The following DGKI variants were observed in gnomAD, a reference collection of about 807,000 sequenced individuals.
The protein encoded by DGKI is diacylglycerol kinase iota, also known as DAG kinase iota.
A neutral mutation model predicts 147.5 loss-of-function variants in DGKI; 55 were observed. The observed-to-expected ratio is 0.37, with a 90% CI of 0.30 to 0.47. The LOEUF (loss-of-function observed/expected upper bound fraction) is 0.47, where lower values mean the gene tolerates loss of function less well. Among genes scored for constraint, DGKI ranks in the 20% least tolerant of loss-of-function variants. The pLI is 1.00. For synonymous variants in DGKI, 469 were observed against 477.1 expected, an observed-to-expected ratio of 0.98 and a Z score of 0.22; for missense variants, 1,007 against 1,323.8, an observed-to-expected ratio of 0.76 and a Z score of 3.71.
intron 19 of DGKI, among the ~76,000 whole-genome samples, chr7:137,554,915 T>A (rs1033018843): frequency 1.1e-5 from 1 of 90,332 alleles, no homozygotes; most frequent in East Asian, 2.8e-4. Context: ...AACTATTTTC[T>A]TTTTTTTTTT....
At chr7:137,693,887 A>C (rs2116473198) in intron 1 of DGKI, among the ~76,000 whole-genome samples, 1 of 152,384 alleles carries the variant, frequency 6.6e-6, no homozygotes, top group African/African-American at 2.4e-5. Flanking sequence ...GAAGCCTAAG[A>C]AACATCAAAA....
At position 137,463,606 on chromosome 7, in the gene DGKI, G is replaced by A; in HGVS notation, c.2618C>T (p.Ser873Leu). Residue 873 changes from serine (S) to leucine (L), a missense_variant, in exon 27 of 33, where the codon TCA becomes TTA. Coordinates refer to ENST00000614521, the MANE Select transcript of DGKI (RefSeq NM_001321708.2). ...CCGCAGGGCAGGATTCCACCAGTCTGAGATCCTGAGAGAAAGAAGGGCACC... is the reference window on the plus strand; with the variant it reads ...CCGCAGGGCAGGATTCCACCAGTCTAAGATCCTGAGAGAAAGAAGGGCACC... Reference protein sequence around the residue: ...DLVVEQASGISDWWNPALRKR... With the variant: ...DLVVEQASGILDWWNPALRKR... 1 of 1,614,022 alleles carries A rather than the reference G, an allele frequency of 6.2e-7. No homozygotes were observed. Among genetic ancestry groups the A allele is most frequent in the Non-Finnish European group, 8.5e-7 (1 of 1,179,958 alleles).
At chr7:137,789,019 G>A (rs1315574891) in intron 1 of DGKI, among the ~76,000 whole-genome samples, 1 of 152,114 alleles carries the variant, frequency 6.6e-6, no homozygotes, top group East Asian at 1.9e-4. Flanking sequence ...TGAATTAATG[G>A]CTTCAAAGAA....
intron 28 of DGKI, among the ~76,000 whole-genome samples, chr7:137,423,984 T>G (rs1002782451): frequency 6.6e-6 from 1 of 152,208 alleles, no homozygotes; most frequent in Non-Finnish European, 1.5e-5. Context: ...TCATCTACTT[T>G]AGGTATTTCT....
At chr7:137,718,274 C>T (rs530846566) in intron 1 of DGKI, among the ~76,000 whole-genome samples, 2 of 152,236 alleles carry the variant, frequency 1.3e-5, no homozygotes, top group East Asian at 3.9e-4. Context: ...ACCAGCTTTA[C>T]GGATGAGGAG....
intron 1 of DGKI, among the ~76,000 whole-genome samples, chr7:137,775,676 G>A (rs1014541454): frequency 1.3e-5 from 2 of 152,164 alleles, no homozygotes; most frequent in African/African-American, 2.4e-5. Context: ...CACCGAAGCA[G>A]ACAAAGATGT....
intron 7 of DGKI, 72 bp from the exon 8 acceptor site, chr7:137,620,012 TACACACGC>T: frequency 2.8e-6 from 2 of 715,014 alleles, no homozygotes; most frequent in Non-Finnish European, 4.7e-6. Context: ...GATAAATATG[TACACACGC>T]ACACACACAC....
At chr7:137,513,684 T>C (rs527378164) in intron 21 of DGKI, among the ~76,000 whole-genome samples, 1 of 152,312 alleles carries the variant, frequency 6.6e-6, no homozygotes, top group Admixed American at 6.5e-5. Context: ...GTATAGCCTG[T>C]AGCTCCTAGG....
chr7:137,809,278 T>C (rs1797484896), intron 1 of DGKI, among the ~76,000 whole-genome samples: 1 of 152,018 alleles, frequency 6.6e-6, no homozygotes, highest in Admixed American at 6.5e-5. Flanking sequence ...ATAGCAATAA[T>C]AAAGATAATA....
chr7:137,601,667 G>C (rs1819996505), intron 10 of DGKI, among the ~76,000 whole-genome samples: 1 of 152,206 alleles, frequency 6.6e-6, no homozygotes. Flanking sequence ...CACGTATCTA[G>C]CACAGTATGC....
At chr7:137,755,622 C>T (rs914566964) in intron 1 of DGKI, among the ~76,000 whole-genome samples, 7 of 152,274 alleles carry the variant, frequency 4.6e-5, no homozygotes, top group Middle Eastern at 3.4e-3. Context: ...CTGCCAATCC[C>T]CCAAGGGAAC....
chr7:137,710,602 C>T (rs1185716402), intron 1 of DGKI, among the ~76,000 whole-genome samples: 3 of 151,934 alleles, frequency 2.0e-5, no homozygotes, highest in Middle Eastern at 3.4e-3. Context: ...ATTTATACCT[C>T]GAAGCATATA....
At chr7:137,554,474 G>A (rs1818154025) in intron 19 of DGKI, among the ~76,000 whole-genome samples, 1 of 152,186 alleles carries the variant, frequency 6.6e-6, no homozygotes, top group Non-Finnish European at 1.5e-5. Flanking sequence ...GACTTGAGAG[G>A]AAAACTGAGA....
At chr7:137,742,127 C>T (rs1326548210) in intron 1 of DGKI, among the ~76,000 whole-genome samples, 1 of 152,084 alleles carries the variant, frequency 6.6e-6, no homozygotes, top group Admixed American at 6.6e-5. Flanking sequence ...TTATAGTGTA[C>T]CTTCTTCCAA....
intron 8 of DGKI, among the ~76,000 whole-genome samples, chr7:137,618,475 C>A (rs1019049135): frequency 2.7e-5 from 4 of 150,170 alleles, no homozygotes; most frequent in African/African-American, 7.5e-5. Context: ...AGCCCTCCCC[C>A]CCACTTCATA....
intron 13 of DGKI, 45 bp downstream of exon 13, chr7:137,587,052 G>C: frequency 7.2e-7 from 1 of 1,380,750 alleles, no homozygotes; most frequent in Non-Finnish European, 9.8e-7. Flanking sequence ...CTGGAATCCG[G>C]TTTGTTGTTT....
chr7:137,571,393 G>T (rs1159861312), intron 18 of DGKI, 107 bp from the exon 19 acceptor site: 1 of 750,262 alleles, frequency 1.3e-6, no homozygotes, highest in African/African-American at 1.9e-5. Context: ...CATAAAAACA[G>T]TTTTCCATTC....
At chr7:137,397,355 T>C (rs1562993743) in intron 31 of DGKI, 22 bp downstream of exon 31, 10 of 1,610,032 alleles carry the variant, frequency 6.2e-6, no homozygotes, top group Non-Finnish European at 8.5e-6. Context: ...ACCTAGACTA[T>C]GTAATAAAAG....
intron 21 of DGKI, among the ~76,000 whole-genome samples, chr7:137,498,890 T>A (rs1358197664): frequency 6.6e-6 from 1 of 152,140 alleles, no homozygotes; most frequent in Admixed American, 6.6e-5. Context: ...TTCCCTGTGA[T>A]AATATATTCA....
Sources: allele counts gnomAD v4.1 joint callset (sites outside exome capture counted in the v4.1 genomes callset), GRCh38; gene constraint gnomAD v4.1.1; transcripts MANE v1.5; gene names NCBI Gene and HGNC (gene_info 2026-07-23, HGNC 2026-07-21).